IGLON5: variants seen among roughly 807,000 people sequenced by gnomAD.
The protein encoded by IGLON5 is Ig-like domain-containing protein ENSP00000270642.
A neutral mutation model predicts 38.2 loss-of-function variants in IGLON5; 16 were observed. The observed-to-expected ratio is 0.42, with a 90% CI of 0.28 to 0.64. The LOEUF (loss-of-function observed/expected upper bound fraction) is 0.64, where lower values mean the gene tolerates loss of function less well. Ranked by LOEUF, IGLON5 falls within the 30% of genes least tolerant of loss-of-function variation. The pLI, the probability that IGLON5 is intolerant of heterozygous loss-of-function variation, is 0.23. For missense variants in IGLON5, 366 were observed against 483.4 expected, an observed-to-expected ratio of 0.76 and a Z score of 2.28; for synonymous variants, 207 against 216.4, an observed-to-expected ratio of 0.96 and a Z score of 0.38.
intron 1 of IGLON5, among the ~76,000 whole-genome samples, chr19:51,319,787 A>G (rs1250697624): frequency 6.6e-6 from 1 of 152,032 alleles, no homozygotes; most frequent in South Asian, 2.1e-4. Flanking sequence ...GCATCACTGT[A>G]TATACACACC....
chr19:51,327,739 A>G lies in IGLON5; in HGVS notation c.775A>G (p.Ser259Gly). The change falls in exon 7 of 8, where the codon AGC becomes GGC. Residue 259 changes from serine to glycine, a missense_variant. Ser to Gly is a moderately conservative substitution (Grantham distance 56, BLOSUM62 0). Transcript: ENST00000270642. This position sits in a 1 kb window ranked among gnomAD's most constrained non-coding sequence, Gnocchi z 7.1. The part of the protein sequence containing the change: ...QWYKDDRLLS[S>G]GTAEGLKVQT... ...GACCCGGATCCCTGGCAGGCTGAGC[A>G]GCGGCACGGCCGAAGGCCTGAAGGT... is the stretch of plus-strand genomic sequence containing the variant. The G allele has an allele frequency of 6.4e-7, 1 of 1,573,610 alleles. No homozygotes were observed.
intron 1 of IGLON5, among the ~76,000 whole-genome samples, chr19:51,321,712 C>T (rs571908159): frequency 6.6e-6 from 1 of 152,250 alleles, no homozygotes; most frequent in Non-Finnish European, 1.5e-5. Context: ...TTGTGTGCTA[C>T]GATTGTCTCT....
rs1181944087 is a variant in IGLON5 at position 51,324,101 on chromosome 19, AGAGCTACAGGGAT to A, written c.391+211_391+223del. 1.3e-5 allele frequency among the ~76,000 whole-genome samples: 2 copies of A among 152,152 alleles called. No individual in the cohort carries two copies. The highest frequency in any genetic ancestry group is 4.8e-5 in the African/African-American group (2 of 41,420). On this transcript the variant is annotated intron_variant, in intron 3 of 7. Coordinates refer to ENST00000270642, the MANE Select transcript of IGLON5 (RefSeq NM_001101372.3). This position sits in a 1 kb window ranked among gnomAD's most constrained non-coding sequence, Gnocchi z 4.2. Reference sequence around the variant, plus strand: ...TCAACATGATTGCTTCTAGGGCAGGAGAGCTACAGGGATGAGGGGGTGCTTGGGGGAAGACCAC... The same window carrying A: ...TCAACATGATTGCTTCTAGGGCAGGAGAGGGGGTGCTTGGGGGAAGACCAC...
chr19:51,313,367 C>A (rs553956450), intron 1 of IGLON5, among the ~76,000 whole-genome samples: 1 of 152,222 alleles, frequency 6.6e-6, no homozygotes, highest in African/African-American at 2.4e-5. Flanking sequence ...TTCCACCTGC[C>A]TCTGTCTCTG....
intron 1 of IGLON5, among the ~76,000 whole-genome samples, 185 bp downstream of exon 1, chr19:51,312,111 TG>T (rs1984780983): frequency 6.7e-6 from 1 of 150,054 alleles, no homozygotes; most frequent in African/African-American, 2.5e-5. Flanking sequence ...ACCTCGGACG[TG>T]GGGGTCCGCG....
chr19:51,318,895 C>T (rs144065327), intron 1 of IGLON5, among the ~76,000 whole-genome samples: 492 of 152,310 alleles, frequency 3.2e-3, no homozygotes, highest in Non-Finnish European at 4.7e-3. Flanking sequence ...CTCTTCCCCC[C>T]ACTTCTTGGT....
intron 1 of IGLON5, among the ~76,000 whole-genome samples, chr19:51,318,594 G>A (rs1166078814): frequency 6.6e-6 from 1 of 152,116 alleles, no homozygotes. Context: ...AAGTAGCCAG[G>A]TGTGGTGGTG....
In IGLON5 at chr19:51,323,812, G is replaced by C. The variant is rs1985144395; in HGVS notation, c.309G>C (p.Gly103=). 6.2e-7 allele frequency: 1 copy of C among 1,613,490 alleles called. No individual in the cohort carries two copies. The highest frequency in any genetic ancestry group is 2.2e-5 in the East Asian group (1 of 44,878). Residue 103 remains glycine (G), a synonymous_variant, in exon 3 of 8, where the codon GGG becomes GGC. Coordinates refer to ENST00000270642, the MANE Select transcript of IGLON5 (RefSeq NM_001101372.3). ...TCTCCATCCTCATCACCGAGGTGGG[G>C]CTCGGCGACGAGGGCCTCTACACCT... is the stretch of plus-strand genomic sequence containing the variant. The part of the protein sequence containing the change: ...EEFSILITEV[G]LGDEGLYTCS...
At chr19:51,313,641 C>CTT (rs1400171308) in intron 1 of IGLON5, among the ~76,000 whole-genome samples, 4 of 82,608 alleles carry the variant, frequency 4.8e-5, no homozygotes, top group East Asian at 5.1e-4. Flanking sequence ...TTCTCTCTCT[C>CTT]TCTCTTTTTC....
chr19:51,326,486 T>A (rs1345569052), intron 4 of IGLON5, among the ~76,000 whole-genome samples: 1 of 151,518 alleles, frequency 6.6e-6, no homozygotes, highest in South Asian at 2.1e-4. Flanking sequence ...ATGATCTGAG[T>A]CAGATTCCTG....
chr19:51,328,586 C>G (rs1985273287), intron 7 of IGLON5, 85 bp from the exon 8 acceptor site: 1 of 691,792 alleles, frequency 1.4e-6, no homozygotes, highest in Admixed American at 3.3e-5. Context: ...AAAGAGTGGG[C>G]TCAGAAGAGA....
rs916025692 is a variant in IGLON5, at chr19:51,326,933, C to G, written c.646+35C>G. On this transcript the variant is annotated intron_variant, in intron 5 of 7. Coordinates refer to ENST00000270642, the MANE Select transcript of IGLON5 (RefSeq NM_001101372.3). ...CCTGGCACTGGGCACGAAAGGGTGG[C>G]GGACCCCCGAGTCCCTGGGGAGGAG... 10 of 1,570,926 alleles carry G rather than the reference C, an allele frequency of 6.4e-6. No individual in the cohort carries two copies. The African/African-American group carries it at 1.4e-4, about 21-fold the overall frequency.
chr19:51,319,316 T>C (rs1021131293), intron 1 of IGLON5, among the ~76,000 whole-genome samples: 49 of 152,002 alleles, frequency 3.2e-4, no homozygotes, highest in Non-Finnish European at 5.9e-4. Context: ...TGTGTGTGTG[T>C]GTGTGTGTGT....
At chr19:51,315,128 C>A (rs1325134836) in intron 1 of IGLON5, among the ~76,000 whole-genome samples, 1 of 138,424 alleles carries the variant, frequency 7.2e-6, no homozygotes, top group African/African-American at 2.8e-5. Context: ...ACACACGCAC[C>A]CCCTCACATA....
chr19:51,320,111 G>A (rs1419212178), intron 1 of IGLON5, among the ~76,000 whole-genome samples: 1 of 152,156 alleles, frequency 6.6e-6, no homozygotes. Context: ...TCCCAGGGCT[G>A]CGTGTAGCAG....
At chr19:51,328,641 C>T (rs1187306916) in intron 7 of IGLON5, 30 bp from the exon 8 acceptor site, 70 of 1,449,010 alleles carry the variant, frequency 4.8e-5, no homozygotes, top group Non-Finnish European at 6.4e-5. Flanking sequence ...ACTCTCAGGC[C>T]TCCCTCCATG....
In IGLON5 at chr19:51,324,204, G is replaced by A. The variant is rs150146347; in HGVS notation, c.391+310G>A. 0.016 allele frequency among the ~76,000 whole-genome samples: 2,402 copies of A among 152,306 alleles called. 233 individuals carry two copies. The highest frequency in any genetic ancestry group is 0.15 in the Admixed American group (2,263 of 15,288). On this transcript the variant is annotated intron_variant, in intron 3 of 7. Transcript: ENST00000270642. This position sits in a 1 kb window ranked among gnomAD's most constrained non-coding sequence, Gnocchi z 4.2. ...TGTAAGCATTGATCTACAGAACAAGGCAGGCTGTCCCCACACCTTGGGAGC... is the reference window on the plus strand; with the variant it reads ...TGTAAGCATTGATCTACAGAACAAGACAGGCTGTCCCCACACCTTGGGAGC...
chr19:51,327,002 A>C lies in IGLON5; in HGVS notation c.647-78A>C, dbSNP rs1217175111. On this transcript the variant is annotated intron_variant, in intron 5 of 7. Transcript: ENST00000270642. This position sits in a 1 kb window ranked among gnomAD's most constrained non-coding sequence, Gnocchi z 7.1. ...AGCGGGGGCGAGACTTACGGGCCTGAGGGAGGCGGGGGCTGGGGGCGGGAC... is the reference window on the plus strand; with the variant it reads ...AGCGGGGGCGAGACTTACGGGCCTGCGGGAGGCGGGGGCTGGGGGCGGGAC... 1.9e-6 allele frequency: 3 copies of C among 1,588,396 alleles called. No individual in the cohort carries two copies. Among genetic ancestry groups the C allele is most frequent in the Admixed American group, 1.8e-5 (1 of 56,326 alleles).
At position 51,327,892 on chromosome 19, in the gene IGLON5, T is replaced by A; in HGVS notation, c.922+6T>A. On this transcript the variant is annotated splice_donor_region_variant and intron_variant, in intron 7 of 7. Coordinates refer to ENST00000270642, the MANE Select transcript of IGLON5 (RefSeq NM_001101372.3). The surrounding 1 kb of genome is among the most constrained non-coding windows in gnomAD (Gnocchi z 7.1). ...CGCCTCCATGCGGCTCCTGCGTGCG[T>A]CTTCGGGCGGGGCGGGGCCGGGAAG... 2.0e-6 allele frequency: 3 copies of A among 1,482,396 alleles called. No homozygotes were observed. The highest frequency in any genetic ancestry group is 1.3e-5 in the South Asian group (1 of 76,758). The allele number at this position is 1,482,396 out of a possible 1,614,324, so 91.8% of individuals were successfully genotyped here.
Sources: allele counts gnomAD v4.1 joint callset (sites outside exome capture counted in the v4.1 genomes callset), GRCh38; gene constraint gnomAD v4.1.1; non-coding constraint Gnocchi (gnomAD v3.1); transcripts MANE v1.5; gene names NCBI Gene and HGNC (gene_info 2026-07-23, HGNC 2026-07-21).